The following SLC25A48 variants were observed in gnomAD, a reference collection of about 807,000 sequenced individuals.
The protein encoded by SLC25A48 is solute carrier family 25 member 48.
Under a neutral mutation model 32.2 loss-of-function variants are expected in SLC25A48, and 29 were observed. That is an observed-to-expected ratio of 0.90 (90% CI 0.67 to 1.23). The LOEUF is 1.23. Ranked by LOEUF, SLC25A48 falls within the 50% of genes most tolerant of loss-of-function variation. The pLI is 0.00. For synonymous variants in SLC25A48, 164 were observed against 172.3 expected (o/e 0.95, Z 0.38); for missense variants, 399 against 422.7 (o/e 0.94, Z 0.49).
chr5:135,615,325 C>A (rs747935799), intron 1 of SLC25A48, among the ~76,000 whole-genome samples: 1 of 152,120 alleles, frequency 6.6e-6, no homozygotes, highest in Non-Finnish European at 1.5e-5. Flanking sequence ...CAGTGAACAC[C>A]GGGCTGATTA....
At chr5:135,827,947 T>G (rs1758106660) in intron 4 of SLC25A48, among the ~76,000 whole-genome samples, 1 of 152,172 alleles carries the variant, frequency 6.6e-6, no homozygotes, top group Admixed American at 6.5e-5. Flanking sequence ...CTGGGGCCAC[T>G]CTCTCCTTGT....
At chr5:135,865,737 C>T (rs933526367) in intron 4 of SLC25A48, among the ~76,000 whole-genome samples, 10 of 152,186 alleles carry the variant, frequency 6.6e-5, no homozygotes, top group African/African-American at 2.4e-4. Flanking sequence ...GCAAGCCATA[C>T]TAGGGGGCAC....
chr5:135,613,600 G>A (rs1025779777), intron 1 of SLC25A48, among the ~76,000 whole-genome samples: 8 of 152,034 alleles, frequency 5.3e-5, no homozygotes, highest in Non-Finnish European at 1.0e-4. Context: ...GTTGATTTTT[G>A]TACATGGTGA....
chr5:135,618,678 G>T (rs1033899991), intron 1 of SLC25A48, among the ~76,000 whole-genome samples: 15 of 152,070 alleles, frequency 9.9e-5, no homozygotes, highest in South Asian at 6.2e-4. Flanking sequence ...TTGTAGAGCT[G>T]GTCCAGTGGT....
intron 4 of SLC25A48, among the ~76,000 whole-genome samples, chr5:135,818,075 CTCTCTCTCTCTCTCTCTCTCTCTCTCTCT>C (rs1354761169): frequency 1.9e-5 from 1 of 53,548 alleles, no homozygotes; most frequent in Non-Finnish European, 5.3e-5. Context: ...CTCTCTCTCT[CTCTCTCTCTCTCTCTCTCTCTCTCTCTCT>C]CTCTCTCTCT....
chr5:135,857,545 T>G (rs534082433), intron 4 of SLC25A48, among the ~76,000 whole-genome samples: 1 of 152,344 alleles, frequency 6.6e-6, no homozygotes, highest in South Asian at 2.1e-4. Context: ...AAGATGATAG[T>G]TATGCACCTA....
chr5:135,765,404 T>A (rs1936045944), intron 3 of SLC25A48, among the ~76,000 whole-genome samples: 1 of 151,860 alleles, frequency 6.6e-6, no homozygotes, highest in Admixed American at 6.6e-5. Flanking sequence ...TACACCCACT[T>A]GTGATATGGT....
intron 3 of SLC25A48, among the ~76,000 whole-genome samples, chr5:135,656,459 A>G (rs1389558826): frequency 6.6e-6 from 1 of 152,128 alleles, no homozygotes; most frequent in Non-Finnish European, 1.5e-5. Flanking sequence ...ACTTTCTGCC[A>G]TCCTCCCAGG....
chr5:135,717,259 G>A (rs142217768), intron 3 of SLC25A48, among the ~76,000 whole-genome samples: 28 of 152,252 alleles, frequency 1.8e-4, no homozygotes, highest in African/African-American at 5.5e-4. Flanking sequence ...TGCTTCTTGC[G>A]GTCACAGACA....
chr5:135,879,943 G>A, intron 6 of SLC25A48, 25 bp from the exon 7 acceptor site: 1 of 1,535,844 alleles, frequency 6.5e-7, no homozygotes, highest in Non-Finnish European at 8.7e-7. Flanking sequence ...TCAGTCCCCT[G>A]CAATAACCTG....
At chr5:135,734,067 T>A (rs988546486) in intron 3 of SLC25A48, among the ~76,000 whole-genome samples, 4 of 152,186 alleles carry the variant, frequency 2.6e-5, no homozygotes, top group Admixed American at 2.0e-4. Context: ...AACAGGCGAA[T>A]GATAACAGGC....
At chr5:135,691,904 G>T in intron 3 of SLC25A48, among the ~76,000 whole-genome samples, 1 of 152,182 alleles carries the variant, frequency 6.6e-6, no homozygotes, top group East Asian at 1.9e-4. Flanking sequence ...CTCAAGTGTG[G>T]TTGGTGTCAG....
intron 5 of SLC25A48, chr5:135,872,812 A>G (rs60557584): frequency 0.034 from 5,126 of 152,590 alleles, 291 homozygotes; most frequent in African/African-American, 0.12. Flanking sequence ...TCTCCTCCTC[A>G]TCATCACAGT....
At chr5:135,799,825 A>T (rs1475523132) in intron 3 of SLC25A48, among the ~76,000 whole-genome samples, 2 of 151,702 alleles carry the variant, frequency 1.3e-5, no homozygotes, top group Admixed American at 1.3e-4. Context: ...CATTACTTAC[A>T]ATATCGCAAA....
chr5:135,880,510 A>G (rs918921430), intron 7 of SLC25A48, among the ~76,000 whole-genome samples: 3 of 151,946 alleles, frequency 2.0e-5, no homozygotes, highest in Non-Finnish European at 2.9e-5. Context: ...GCACAGCCTG[A>G]CTCTGAGAGC....
chr5:135,655,948 C>G (rs1276749461), intron 3 of SLC25A48, among the ~76,000 whole-genome samples: 1 of 152,040 alleles, frequency 6.6e-6, no homozygotes, highest in Non-Finnish European at 1.5e-5. Flanking sequence ...CATCATTATT[C>G]CCCACTGACA....
intron 3 of SLC25A48, among the ~76,000 whole-genome samples, chr5:135,662,283 G>A (rs1009220808): frequency 6.6e-6 from 1 of 152,122 alleles, no homozygotes; most frequent in Non-Finnish European, 1.5e-5. Flanking sequence ...TGCCTGCCTG[G>A]CTCAGCTCAC....
intron 3 of SLC25A48, chr5:135,650,485 C>G (rs556706629): frequency 4.4e-6 from 2 of 455,336 alleles, no homozygotes; most frequent in South Asian, 3.1e-5. Flanking sequence ...CAGGAGGGTG[C>G]TGCCTTGGAG....
rs189275095 is a variant in SLC25A48 at position 135,707,501 on chromosome 5, C to G, written c.-521+72545C>G. The stretch of plus-strand genomic sequence containing the variant: ...CAGCCACTTTGGCTTCCTTGCTGTT[C>G]TTTTCAGACTCCCGCCGCCCCCGCC... On this transcript the variant is annotated intron_variant, in intron 3 of 10. Coordinates refer to the SLC25A48 transcript ENST00000646290. Among the ~76,000 whole-genome samples, 4 of 152,266 alleles carry G rather than the reference C, an allele frequency of 2.6e-5. No individual in the cohort carries two copies. The East Asian group carries it at 7.7e-4, about 29-fold the overall frequency.
Sources: allele counts gnomAD v4.1 joint callset (sites outside exome capture counted in the v4.1 genomes callset), GRCh38; gene constraint gnomAD v4.1.1; transcripts MANE v1.5; gene names NCBI Gene and HGNC (gene_info 2026-07-23, HGNC 2026-07-21).